The following NPC1 variants were observed in gnomAD, a reference collection of about 807,000 sequenced individuals.
NPC1 encodes Niemann-Pick C1 protein.
Under a neutral mutation model 140.4 loss-of-function variants are expected in NPC1, and 85 were observed. The observed-to-expected ratio is 0.61, with a 90% confidence interval of 0.51 to 0.72. The LOEUF (loss-of-function observed/expected upper bound fraction) is 0.72, where lower values mean the gene tolerates loss of function less well. NPC1 is among the 30% of genes least tolerant of loss of function. The probability of loss-of-function intolerance (pLI) is 0.00; values close to 1 mark genes in which losing one functional copy is unlikely to be tolerated. For missense variants in NPC1, 1,504 were observed against 1,623.8 expected (o/e 0.93, Z 1.27); for synonymous variants, 656 against 624.8 (o/e 1.05, Z -0.74).
At position 23,576,818 on chromosome 18, in the gene NPC1, C is replaced by T. The variant is rs746433751; in HGVS notation, c.58-3244G>A. 305 of 169,986 alleles carry T rather than the reference C, an allele frequency of 1.8e-3. 3 individuals are homozygous for T. Among genetic ancestry groups the T allele is most frequent in the Middle Eastern group, 2.4e-3 (1 of 422 alleles). 10.5% of individuals were successfully genotyped at this position (169,986 alleles called of 1,614,324 possible). On this transcript the variant is annotated intron_variant, in intron 1 of 24. Coordinates refer to ENST00000269228, the MANE Select transcript of NPC1 (RefSeq NM_000271.5). ...CTCGCTGGGCTCAGGAGTGAAGCTG[C>T]AGATCTTCGCGGTGAGTGTTACAGC...
intron 21 of NPC1, 34 bp from the exon 22 acceptor site, chr18:23,535,734 G>A (rs751169145): frequency 1.2e-5 from 17 of 1,397,224 alleles, no homozygotes; most frequent in Non-Finnish European, 1.6e-5. Flanking sequence ...ATTAAAGCTC[G>A]CTCTCACTCC....
intron 1 of NPC1, 61 bp downstream of exon 1, chr18:23,586,226 T>C: frequency 6.6e-7 from 1 of 1,513,798 alleles, no homozygotes; most frequent in East Asian, 2.5e-5. Flanking sequence ...CCCGTCGCCT[T>C]CCCCGGCTCT....
chr18:23,515,119 G>A (rs1396458991), intron 3 of NPC1, among the ~76,000 whole-genome samples: 5 of 152,128 alleles, frequency 3.3e-5, no homozygotes, highest in Non-Finnish European at 5.9e-5. Flanking sequence ...TTAACACATG[G>A]GGTCCTGGAG....
At chr18:23,544,592 A>T in intron 12 of NPC1, 66 bp from the exon 13 acceptor site, 1 of 1,448,052 alleles carries the variant, frequency 6.9e-7, no homozygotes, top group Non-Finnish European at 9.7e-7. Flanking sequence ...TGTTACTAAA[A>T]GGTCCTCCTT....
downstream of NPC1, chr18:23,531,379 T>TA: frequency 1.7e-6 from 1 of 604,024 alleles, no homozygotes; most frequent in Non-Finnish European, 2.5e-6. Context: ...ATGAAACTTC[T>TA]AGGTCTATTT....
At chr18:23,579,031 G>A (rs556922250) in intron 1 of NPC1, among the ~76,000 whole-genome samples, 1 of 152,264 alleles carries the variant, frequency 6.6e-6, no homozygotes, top group East Asian at 1.9e-4. Flanking sequence ...CTGCCTGTGC[G>A]ACAAGCTTCA....
chr18:23,516,201 G>A, intron 3 of NPC1: 2 of 1,357,240 alleles, frequency 1.5e-6, no homozygotes, highest in South Asian at 1.2e-5. Flanking sequence ...GGACATGGGG[G>A]ACGGTGGAAA....
chr18:23,568,706 T>C, intron 4 of NPC1, 117 bp downstream of exon 4: 1 of 810,992 alleles, frequency 1.2e-6, no homozygotes, highest in East Asian at 2.5e-5. Flanking sequence ...TCTTATTTCC[T>C]GGCCAATGGA....
At chr18:23,526,741 G>T, downstream of NPC1, 1 of 1,614,084 alleles carries the variant, frequency 6.2e-7, no homozygotes, top group African/African-American at 1.3e-5. Flanking sequence ...ATGCAAGATG[G>T]TCATCCTGTC....
In NPC1 at chr18:23,568,935, C is replaced by T; in HGVS notation, c.351G>A (p.Gln117=). The T allele has an allele frequency of 6.2e-7, 1 of 1,614,012 alleles. No individual in the cohort carries two copies. Among genetic ancestry groups the T allele is most frequent in the Non-Finnish European group, 8.5e-7 (1 of 1,179,898 alleles). The change falls in exon 4 of 25, where the codon CAG becomes CAA. Residue 117 remains glutamine (Q), a synonymous_variant. Coordinates refer to ENST00000269228, the MANE Select transcript of NPC1 (RefSeq NM_000271.5). ...LFCELTCSPR[Q]SQFLNVTATE... ...TAGCTGTAACATTCAAAAACTGACT[C>T]TGTCGAGGGCTACATGTCAGCTCAC...
chr18:23,579,441 C>G (rs1205949866), intron 1 of NPC1, among the ~76,000 whole-genome samples: 1 of 152,080 alleles, frequency 6.6e-6, no homozygotes, highest in Non-Finnish European at 1.5e-5. Flanking sequence ...TGGCTTCTAC[C>G]CAGAATTTAG....
chr18:23,550,395 T>C (rs1468656185), intron 10 of NPC1, among the ~76,000 whole-genome samples: 1 of 152,028 alleles, frequency 6.6e-6, no homozygotes, highest in East Asian at 1.9e-4. Context: ...GCTTCTGAGT[T>C]TTGTGTCTTG....
chr18:23,524,941 CTTTTT>C (rs5823396), downstream of NPC1, among the ~76,000 whole-genome samples: 2 of 69,216 alleles, frequency 2.9e-5, no homozygotes, highest in Non-Finnish European at 5.1e-5. Flanking sequence ...TTAGAGAAAT[CTTTTT>C]TTTTTTTTTT....
At position 23,510,197 on chromosome 18, in the gene NPC1, G is replaced by A. The variant is rs1199297739; in HGVS notation, c.432-3555C>T. On this transcript the variant is annotated intron_variant, in intron 3 of 3. Transcript: ENST00000591107. ...ATGTTAGTCAGGCATGGTGGTGTGC[G>A]CCTGTAGTCCCAGCTACTTGGGAGG... 9.2e-5 allele frequency among the ~76,000 whole-genome samples: 14 copies of A among 151,632 alleles called. No individual in the cohort carries two copies. In the South Asian group the frequency reaches 1.0e-3, roughly 11 times the overall value.
In NPC1 at chr18:23,515,934, A is replaced by C. The variant is rs191243720; in HGVS notation, c.432-9292T>G. The stretch of plus-strand genomic sequence containing the variant: ...GAATTGGTACATGTACTGCCCCGAG[A>C]GCGCCGTGATCTTGCTGTCTACCAC... On this transcript the variant is annotated intron_variant, in intron 3 of 3. Transcript: ENST00000591107. 283 of 1,614,072 alleles carry C rather than the reference A, an allele frequency of 1.8e-4. No individual in the cohort carries two copies. The East Asian group carries it at 5.0e-3, about 29-fold the overall frequency.
At position 23,531,558 on chromosome 18, in the gene NPC1, C is replaced by T. The variant is rs777940246; in HGVS notation, c.*644G>A. 85 of 1,584,632 alleles carry T rather than the reference C, an allele frequency of 5.4e-5. No homozygotes were observed. The highest frequency in any genetic ancestry group is 1.2e-4 in the South Asian group (10 of 85,924). On this transcript the variant is annotated 3_prime_UTR_variant, in exon 25 of 25. Transcript: ENST00000269228. The stretch of plus-strand genomic sequence containing the variant: ...AGTTAAAACCCAGTAGACACACCTA[C>T]GAGATGCTTTCTTTGTCCCTCATTT...
rs1555634622 is a variant in NPC1, at chr18:23,544,943, A to ACCCCG, written c.1947+16_1947+17insCGGGG. 52 of 1,042,310 alleles carry ACCCCG rather than the reference A, an allele frequency of 5.0e-5. 1 individual carries two copies. Among genetic ancestry groups the ACCCCG allele is most frequent in the East Asian group, 6.5e-5 (2 of 30,638 alleles). The allele number at this position is 1,042,310 out of a possible 1,614,324, so 64.6% of individuals were successfully genotyped here. ...GCTGTTAACCTCTAGAACATACACC[A>ACCCCG]CCCCCCCCCGGCTTACCAGAAGCCT... On this transcript the variant is annotated intron_variant, in intron 12 of 24. Transcript: ENST00000269228.
downstream of NPC1, among the ~76,000 whole-genome samples, chr18:23,525,517 T>G (rs888981962): frequency 5.5e-4 from 84 of 151,830 alleles, 2 homozygotes; most frequent in Non-Finnish European, 4.3e-4. Flanking sequence ...CTCCAACTCC[T>G]GGGTTTAAGC....
intron 11 of NPC1, among the ~76,000 whole-genome samples, chr18:23,546,318 ACCACTTCACAC>A (rs1206172923): frequency 6.6e-6 from 1 of 151,360 alleles, no homozygotes; most frequent in Non-Finnish European, 1.5e-5. Flanking sequence ...ACAATGAGAT[ACCACTTCACAC>A]CCATGAAGAT....
Sources: gnomAD v4.1 joint callset for allele counts (sites outside exome capture counted in the v4.1 genomes callset) on GRCh38, gnomAD v4.1.1 for gene constraint, MANE v1.5 for transcripts, NCBI Gene and HGNC (gene_info 2026-07-23, HGNC 2026-07-21) for gene names.